PCDH11X: variants seen among roughly 807,000 people sequenced by gnomAD.
PCDH11X encodes protocadherin 11 X-linked, also known as protocadherin-11 X-linked.
A neutral mutation model predicts 53.3 loss-of-function variants in PCDH11X; 18 were observed. The observed-to-expected ratio is 0.34, with a 90% CI of 0.23 to 0.50. PCDH11X has a LOEUF of 0.50. PCDH11X is among the 20% of genes least tolerant of loss of function. PCDH11X has a pLI of 0.98. For missense variants in PCDH11X, 570 were observed against 1,032.4 expected (o/e 0.55, Z 6.14); for synonymous variants, 279 against 393.3 (o/e 0.71, Z 3.44).
At chrX:92,491,072 A>G (rs972208718) in intron 10 of PCDH11X, among the ~76,000 whole-genome samples, 1 of 101,941 alleles carries the variant, frequency 9.8e-6, no homozygotes, top group African/African-American at 3.4e-5. Context: ...ATGAACTGAA[A>G]CAGGTCTAAC....
At chrX:92,168,830 C>T (rs183284420) in intron 6 of PCDH11X, among the ~76,000 whole-genome samples, 1 of 111,283 alleles carries the variant, frequency 9.0e-6, no homozygotes. Flanking sequence ...AAGCAAAATC[C>T]CAGTTTCATC....
rs1176961753 is a variant in PCDH11X at position 91,822,956 on chromosome X, T to C, written c.-45+11661T>C. On this transcript the variant is annotated intron_variant, in intron 4 of 10. Transcript: ENST00000682573. ...ACCCAGTAGTCATTCAGGAGCAGGT[T>C]GTTCAGTTTCCATGTAGTTGAGCGG... Among the ~76,000 whole-genome samples the C allele has an allele frequency of 4.5e-5, 5 of 110,559 alleles. No homozygotes were observed. The South Asian group carries it at 1.2e-3, about 26-fold the overall frequency.
intron 6 of PCDH11X, among the ~76,000 whole-genome samples, chrX:92,049,867 A>G (rs2063342104): frequency 9.0e-6 from 1 of 111,467 alleles, no homozygotes; most frequent in Non-Finnish European, 1.9e-5. Flanking sequence ...TCTGCCTCTC[A>G]GGTTCAAGTG....
chrX:92,564,397 T>C (rs1372818984), intron 10 of PCDH11X, among the ~76,000 whole-genome samples: 38 of 101,951 alleles, frequency 3.7e-4, no homozygotes, highest in African/African-American at 1.3e-3. Context: ...ACCAAAACAG[T>C]ATGTACTTGT....
At chrX:92,309,098 T>A (rs1476822598) in intron 8 of PCDH11X, among the ~76,000 whole-genome samples, 1 of 111,937 alleles carries the variant, frequency 8.9e-6, no homozygotes, top group Non-Finnish European at 1.9e-5. Flanking sequence ...TTCAAGTAAT[T>A]AAACAGAACT....
chrX:92,390,877 T>C (rs1227163301), intron 9 of PCDH11X, among the ~76,000 whole-genome samples: 1 of 103,044 alleles, frequency 9.7e-6, no homozygotes, highest in Non-Finnish European at 2.0e-5. Context: ...GATAAAAATC[T>C]GCTGCTTAGG....
At position 92,148,044 on chromosome X, in the gene PCDH11X, T is replaced by C. The variant is rs184931633; in HGVS notation, c.3034-53331T>C. Among the ~76,000 whole-genome samples the C allele has an allele frequency of 2.4e-4, 13 of 54,170 alleles. No individual in the cohort carries two copies. In the South Asian group the frequency reaches 3.3e-3, roughly 14 times the overall value. 47.0% of individuals were successfully genotyped at this position (54,170 alleles called of 115,157 possible). On this transcript the variant is annotated intron_variant, in intron 6 of 10. Coordinates refer to ENST00000682573, the MANE Select transcript of PCDH11X (RefSeq NM_032968.5). ...CCTTCCTTCCTTTCCTTCTTTCCCT[T>C]CCTTCCTTCCTTCCTTTCTTTCTTT...
chrX:92,391,477 C>A (rs1347427140), intron 9 of PCDH11X, among the ~76,000 whole-genome samples: 1 of 110,293 alleles, frequency 9.1e-6, no homozygotes, highest in Admixed American at 9.7e-5. Context: ...ACACATTAAA[C>A]TATGTATGGC....
Position 92,618,558 on chromosome X carries a change from A to G in PCDH11X, c.3662A>G (p.His1221Arg). The G allele has an allele frequency of 8.3e-7, 1 of 1,210,470 alleles. No individual in the cohort carries two copies. The highest frequency in any genetic ancestry group is 1.8e-5 in the South Asian group (1 of 56,882). ...CCGATACAGGTGTCTGCTCTCCACC[A>G]CAGTCCTCCTCTAGTGCAGGCTACT... ...PPPIQVSALH[H>R]SPPLVQATAL... is the part of the protein sequence containing the mutation. Residue 1221 changes from histidine (H) to arginine (R), a missense_variant, in exon 11 of 11, where the codon CAC (histidine) becomes CGC (arginine). This residue lies in a region of PCDH11X where 234 missense variants were observed against 296.1 expected (regional missense o/e 0.79). Coordinates refer to ENST00000682573, the MANE Select transcript of PCDH11X (RefSeq NM_032968.5).
chrX:92,325,531 A>G (rs1449775285), intron 8 of PCDH11X, among the ~76,000 whole-genome samples: 1 of 111,464 alleles, frequency 9.0e-6, no homozygotes, highest in African/African-American at 3.3e-5. Context: ...ACTTATTTTA[A>G]ATGACATTTT....
At chrX:92,169,845 TC>T (rs1431640450) in intron 6 of PCDH11X, among the ~76,000 whole-genome samples, 2 of 110,928 alleles carry the variant, frequency 1.8e-5, no homozygotes, top group Non-Finnish European at 3.8e-5. Context: ...AAGACACAGT[TC>T]CTACCTCCAA....
At chrX:92,204,148 G>T (rs1157531814) in intron 7 of PCDH11X, among the ~76,000 whole-genome samples, 1 of 111,589 alleles carries the variant, frequency 9.0e-6, no homozygotes, top group Non-Finnish European at 1.9e-5. Context: ...TGATGGCAGG[G>T]GCTGCCAGGA....
intron 8 of PCDH11X, among the ~76,000 whole-genome samples, chrX:92,321,305 G>A (rs1225526182): frequency 9.6e-6 from 1 of 104,619 alleles, no homozygotes; most frequent in Non-Finnish European, 1.9e-5. Flanking sequence ...CCATTCTCCT[G>A]CCTCAGCCTC....
intron 7 of PCDH11X, among the ~76,000 whole-genome samples, chrX:92,250,595 G>GTATATATA (rs377269087): frequency 0.049 from 4,834 of 99,301 alleles, 125 homozygotes; most frequent in Middle Eastern, 0.09. Context: ...ATGTGTGTAT[G>GTATATATA]TATATATATA....
intron 6 of PCDH11X, among the ~76,000 whole-genome samples, chrX:92,164,176 G>A (rs1319630264): frequency 2.7e-5 from 3 of 111,624 alleles, no homozygotes; most frequent in Non-Finnish European, 5.6e-5. Context: ...TTTATGACAC[G>A]GGCTTCTTCT....
intron 10 of PCDH11X, among the ~76,000 whole-genome samples, chrX:92,616,501 A>C (rs112093992): frequency 1.8e-5 from 2 of 109,840 alleles, no homozygotes; most frequent in Non-Finnish European, 3.8e-5. Flanking sequence ...TACTTTCACC[A>C]TTGAATTCAG....
chrX:92,293,414 G>T (rs1021418571), intron 8 of PCDH11X, among the ~76,000 whole-genome samples: 1 of 110,085 alleles, frequency 9.1e-6, no homozygotes, highest in Non-Finnish European at 1.9e-5. Flanking sequence ...CATGAGGTCA[G>T]GAGATCGAGA....
chrX:91,970,145 C>A (rs776254109), intron 6 of PCDH11X, among the ~76,000 whole-genome samples: 1 of 111,139 alleles, frequency 9.0e-6, no homozygotes, highest in South Asian at 3.8e-4. Context: ...AGCCGCAGAC[C>A]TTCACAGTGA....
At chrX:91,941,012 T>C (rs766674314) in intron 6 of PCDH11X, among the ~76,000 whole-genome samples, 2 of 110,981 alleles carry the variant, frequency 1.8e-5, no homozygotes, top group East Asian at 2.9e-4. Flanking sequence ...TTCAATCTAC[T>C]GTAGTCACTA....
Sources: gnomAD v4.1 joint callset for allele counts (sites outside exome capture counted in the v4.1 genomes callset) on GRCh38, gnomAD v4.1.1 for gene constraint, gnomAD v4.1.1 regional missense constraint, MANE v1.5 for transcripts, NCBI Gene and HGNC (gene_info 2026-07-23, HGNC 2026-07-21) for gene names.